The following NUDT13 variants were observed in gnomAD, a reference collection of about 807,000 sequenced individuals.
NUDT13 encodes the protein nudix hydrolase 13.
A neutral mutation model predicts 41.7 loss-of-function variants in NUDT13; 40 were observed. That is an observed-to-expected ratio of 0.96 (90% CI 0.75 to 1.25). NUDT13 has a LOEUF of 1.25. NUDT13 is among the 50% of genes most tolerant of loss of function. NUDT13 has a pLI of 0.00. For synonymous variants in NUDT13, 145 were observed against 155.5 expected, an observed-to-expected ratio of 0.93 and a Z score of 0.50; for missense variants, 390 against 416.1, an observed-to-expected ratio of 0.94 and a Z score of 0.55.
chr10:73,117,048 C>G (rs1054679548), intron 2 of NUDT13, among the ~76,000 whole-genome samples: 3 of 150,756 alleles, frequency 2.0e-5, no homozygotes, highest in Non-Finnish European at 1.5e-5. Flanking sequence ...CCACGCCCAG[C>G]TAATTTTTGT....
chr10:73,120,666 C>A lies in NUDT13; in HGVS notation c.223+509C>A, dbSNP rs573138158. Among the ~76,000 whole-genome samples, 14 of 152,196 alleles carry A rather than the reference C, an allele frequency of 9.2e-5. No individual in the cohort carries two copies. In the East Asian group the frequency reaches 1.5e-3, roughly 17 times the overall value. ...TTCAGAGTTCCATCATGGCCAGGCG[C>A]GGTGGCTCACGCCTGTAATCCCAGC... is the stretch of plus-strand genomic sequence containing the variant. On this transcript the variant is annotated intron_variant, in intron 3 of 8. Coordinates refer to ENST00000357321, the MANE Select transcript of NUDT13 (RefSeq NM_015901.6).
chr10:73,125,053 AG>A, intron 5 of NUDT13, 64 bp from the exon 6 acceptor site: 1 of 1,533,840 alleles, frequency 6.5e-7, no homozygotes, highest in Non-Finnish European at 8.8e-7. Flanking sequence ...CACTAGGCCC[AG>A]TGCTGTTAAA....
At chr10:73,118,169 A>G (rs549676747) in intron 2 of NUDT13, among the ~76,000 whole-genome samples, 1 of 152,336 alleles carries the variant, frequency 6.6e-6, no homozygotes, top group Middle Eastern at 3.4e-3. Context: ...TTTGACATGC[A>G]TTGAGTCTTT....
intron 8 of NUDT13, among the ~76,000 whole-genome samples, chr10:73,129,133 G>A (rs1842856328): frequency 6.6e-6 from 1 of 150,998 alleles, no homozygotes; most frequent in South Asian, 2.1e-4. Context: ...TAAAACTATA[G>A]GTACTTGTAG....
intron 7 of NUDT13, 164 bp from the exon 8 acceptor site, chr10:73,126,509 T>C: frequency 1.4e-6 from 1 of 696,310 alleles, no homozygotes; most frequent in Non-Finnish European, 2.3e-6. Context: ...AACACACAGC[T>C]CTGGACCTGA....
intron 2 of NUDT13, among the ~76,000 whole-genome samples, chr10:73,116,741 C>A (rs1213070729): frequency 6.6e-6 from 1 of 151,002 alleles, no homozygotes; most frequent in Non-Finnish European, 1.5e-5. Context: ...GACCCTGTCT[C>A]AAAGAAAAAA....
chr10:73,126,541 A>C, intron 7 of NUDT13, 132 bp from the exon 8 acceptor site: 1 of 958,168 alleles, frequency 1.0e-6, no homozygotes, highest in Non-Finnish European at 1.5e-6. Context: ...GGAATGACTC[A>C]GAGTTTTAGG....
chr10:73,114,838 G>A (rs929735841), intron 2 of NUDT13: 12 of 152,622 alleles, frequency 7.9e-5, no homozygotes, highest in African/African-American at 2.9e-4. Flanking sequence ...ATACTCCGGA[G>A]GAAGGAAGGC....
chr10:73,125,867 G>A (rs1425864750), intron 7 of NUDT13, among the ~76,000 whole-genome samples: 1 of 151,578 alleles, frequency 6.6e-6, no homozygotes, highest in Non-Finnish European at 1.5e-5. Context: ...AAAATTTTTT[G>A]TAGAGACAGG....
rs371045982 is a variant in NUDT13, at chr10:73,113,431, T to A, written c.-9-926T>A. Among the ~76,000 whole-genome samples the A allele has an allele frequency of 5.3e-5, 8 of 152,336 alleles. No homozygotes were observed. The South Asian group carries it at 1.5e-3, about 28-fold the overall frequency. ...GACTTTAAATACATTTTTTATAGTA[T>A]ATCACACTAGTTTTGGGGTTATTAA... On this transcript the variant is annotated intron_variant, in intron 1 of 8. Transcript: ENST00000357321.
At chr10:73,121,046 A>G (rs943202788) in intron 3 of NUDT13, among the ~76,000 whole-genome samples, 2 of 152,046 alleles carry the variant, frequency 1.3e-5, no homozygotes, top group African/African-American at 4.8e-5. Context: ...ATATTTAACT[A>G]AAGATATCTA....
At chr10:73,126,944 G>A (rs1842802428) in intron 8 of NUDT13, 117 bp downstream of exon 8, 1 of 916,638 alleles carries the variant, frequency 1.1e-6, no homozygotes, top group Non-Finnish European at 1.7e-6. Flanking sequence ...ACATAAACAT[G>A]TGTAAAATAT....
At position 73,126,723 on chromosome 10, in the gene NUDT13, T is replaced by C. The variant is rs746203024; in HGVS notation, c.754T>C (p.Leu252=). 1.9e-6 allele frequency: 3 copies of C among 1,613,742 alleles called. No homozygotes were observed. Among genetic ancestry groups the C allele is most frequent in the East Asian group, 4.5e-5 (2 of 44,868 alleles). The change falls in exon 8 of 9, where the codon TTG becomes CTG. Residue 252 remains leucine (L), a synonymous_variant. Coordinates refer to ENST00000357321, the MANE Select transcript of NUDT13 (RefSeq NM_015901.6). Reference sequence around the variant, plus strand: ...CCGAGAAGTTGCAGAAGAGGTGGGATTGGAGGTGGAAAGCCTGCAGTACTA... The same window carrying C: ...CCGAGAAGTTGCAGAAGAGGTGGGACTGGAGGTGGAAAGCCTGCAGTACTA... ...IRREVAEEVG[L]EVESLQYYAS...
chr10:73,122,295 C>A lies in NUDT13; in HGVS notation c.344C>A (p.Ser115Tyr), dbSNP rs41280380. 1 of 1,613,458 alleles carries A rather than the reference C, an allele frequency of 6.2e-7. No individual in the cohort carries two copies. Among genetic ancestry groups the A allele is most frequent in the Non-Finnish European group, 8.5e-7 (1 of 1,179,778 alleles). The change falls in exon 4 of 9, where the codon TCC becomes TAC. Residue 115 changes from serine (S) to tyrosine (Y), a missense_variant. Ser to Tyr is a moderately radical substitution (Grantham distance 144). Coordinates refer to ENST00000357321, the MANE Select transcript of NUDT13 (RefSeq NM_015901.6). ...WFALDLGLDS[S>Y]FSISASLHKP... ...GCTCTGGATCTAGGTCTGGATAGCT[C>A]CTTTTCCATAAGTGGTACATGACAT...
chr10:73,119,974 A>G (rs1564649971), intron 2 of NUDT13, 44 bp from the exon 3 acceptor site: 2 of 1,600,126 alleles, frequency 1.2e-6, no homozygotes, highest in African/African-American at 2.7e-5. Context: ...TATACAGGTA[A>G]CTAAGGGTGG....
chr10:73,122,205 A>G lies in NUDT13; in HGVS notation c.254A>G (p.Gln85Arg). 6.2e-7 allele frequency: 1 copy of G among 1,613,718 alleles called. No homozygotes were observed. The highest frequency in any genetic ancestry group is 1.7e-5 in the Admixed American group (1 of 59,880). ...ELERLLGKFGQDAQRIEDSVL... is the reference protein window; with the variant it reads ...ELERLLGKFGRDAQRIEDSVL... ...GAAAGGCTCCTGGGTAAATTTGGAC[A>G]GGATGCACAAAGAATAGAAGATTCT... Residue 85 changes from glutamine (Q) to arginine (R), a missense_variant, in exon 4 of 9, where the codon CAG becomes CGG. Transcript: ENST00000357321.
In NUDT13 at chr10:73,126,816, G is replaced by A. The variant is rs1215218555; in HGVS notation, c.847G>A (p.Gly283Arg). ...MIACHATVKPGQTEIQVNLRE... is the reference protein window; with the variant it reads ...MIACHATVKPRQTEIQVNLRE... ...TGCTTGCCATGCAACTGTGAAACCA[G>A]GGCAGACAGAAGTAAGTTCTCATCT... Residue 283 changes from glycine (G) to arginine (R), a missense_variant, in exon 8 of 9, where the codon GGG (glycine) becomes AGG (arginine). By Grantham distance (125) the Gly-to-Arg change is moderately radical (BLOSUM62 -2). Transcript: ENST00000357321. 1.9e-6 allele frequency: 3 copies of A among 1,613,922 alleles called. No individual in the cohort carries two copies. Among genetic ancestry groups the A allele is most frequent in the South Asian group, 2.2e-5 (2 of 91,078 alleles).
At chr10:73,114,332 A>C in intron 1 of NUDT13, 25 bp from the exon 2 acceptor site, 1 of 1,194,372 alleles carries the variant, frequency 8.4e-7, no homozygotes, top group African/African-American at 1.6e-5. Context: ...GACTTTTTTT[A>C]AAACTCCTTT....
rs925978684 is a variant in NUDT13 at position 73,110,517 on chromosome 10, C to T, written c.-60C>T. 2.0e-5 allele frequency: 3 copies of T among 152,178 alleles called. No individual in the cohort carries two copies. The highest frequency in any genetic ancestry group is 2.9e-5 in the Non-Finnish European group (2 of 68,056). The allele number at this position is 152,178 out of a possible 1,614,324, so 9.4% of individuals were successfully genotyped here. A position where few individuals can be genotyped will look rare whatever the true frequency, so the allele number is the denominator to read the frequency against. On this transcript the variant is annotated 5_prime_UTR_variant, in exon 1 of 9. Coordinates refer to ENST00000357321, the MANE Select transcript of NUDT13 (RefSeq NM_015901.6). ...TGAACGTGAACATTTGGAGTTTCCTCTTTTGTGCTGATTCCTGAGGACTAG... is the reference window on the plus strand; with the variant it reads ...TGAACGTGAACATTTGGAGTTTCCTTTTTTGTGCTGATTCCTGAGGACTAG...
Sources: allele counts gnomAD v4.1 joint callset (sites outside exome capture counted in the v4.1 genomes callset), GRCh38; gene constraint gnomAD v4.1.1; transcripts MANE v1.5; gene names NCBI Gene and HGNC (gene_info 2026-07-23, HGNC 2026-07-21).